TARBP1: variants seen among roughly 807,000 people sequenced by gnomAD.
The protein encoded by TARBP1 is tRNA (guanosine(18)-2'-O)-methyltransferase TARBP1.
A neutral mutation model predicts 178.6 loss-of-function variants in TARBP1; 144 were observed. The observed-to-expected ratio is 0.81, with a 90% CI of 0.70 to 0.93. The LOEUF (loss-of-function observed/expected upper bound fraction) is 0.93, where lower values mean the gene tolerates loss of function less well. Ranked by LOEUF, TARBP1 falls within the 40% of genes least tolerant of loss-of-function variation. The pLI, the probability that TARBP1 is intolerant of heterozygous loss-of-function variation, is 0.00. For synonymous variants in TARBP1, 787 were observed against 781.0 expected (o/e 1.01, Z -0.13); for missense variants, 2,067 against 2,011.7 (o/e 1.03, Z -0.53).
chr1:234,425,787 CTT>C lies in TARBP1; in HGVS notation c.3328_3329del (p.Lys1110GlufsTer29), dbSNP rs765307773. On this transcript the variant is annotated frameshift_variant, in exon 20 of 30. Transcript: ENST00000040877. LOFTEE classifies it high-confidence loss of function. Reference sequence around the variant, plus strand: ...AAATTCTCACATAATGGTCTTCTCTCTTAGTACTAAAAAAATTAAATGATAAA... The same window carrying C: ...AAATTCTCACATAATGGTCTTCTCTCAGTACTAAAAAAATTAAATGATAAA... ...CAANIVMENT[K>X]REDHYVRICA... The C allele has an allele frequency of 1.9e-6, 3 of 1,559,978 alleles. No individual in the cohort carries two copies. Among genetic ancestry groups the C allele is most frequent in the East Asian group, 2.2e-5 (1 of 44,454 alleles).
rs1662650210 is a variant in TARBP1, at chr1:234,418,155, C to T, written c.3634G>A (p.Glu1212Lys). ...TGAAGAATCAATATAATAATCCATTCTATAAAATATTTTATGGATGCTTGA... is the reference window on the plus strand; with the variant it reads ...TGAAGAATCAATATAATAATCCATTTTATAAAATATTTTATGGATGCTTGA... ...NNQASIKYFI[E>K]WIIILILHKF... Residue 1212 changes from glutamate (E) to lysine (K), a missense_variant, in exon 22 of 30, where the codon GAA becomes AAA. By Grantham distance (56) the Glu-to-Lys change is moderately conservative (BLOSUM62 1). Transcript: ENST00000040877. 1 of 1,542,434 alleles carries T rather than the reference C, an allele frequency of 6.5e-7. No individual in the cohort carries two copies. Among genetic ancestry groups the T allele is most frequent in the African/African-American group, 1.4e-5 (1 of 70,830 alleles).
chr1:234,457,026 C>T (rs1572374286), intron 9 of TARBP1, among the ~76,000 whole-genome samples: 2 of 152,282 alleles, frequency 1.3e-5, no homozygotes, highest in Admixed American at 6.5e-5. Flanking sequence ...ATAAACTAAA[C>T]CCCGTGGTTT....
intron 23 of TARBP1, chr1:234,407,965 G>A (rs1401468252): frequency 4.6e-5 from 7 of 152,082 alleles, no homozygotes; most frequent in East Asian, 1.9e-4. Flanking sequence ...TACATTACTC[G>A]TAAATGAAAA....
chr1:234,448,459 T>C (rs774430650), intron 11 of TARBP1, 21 bp downstream of exon 11: 1 of 1,599,982 alleles, frequency 6.3e-7, no homozygotes, highest in Non-Finnish European at 8.6e-7. Flanking sequence ...AGGCTTTCTT[T>C]TCAATTACAG....
intron 21 of TARBP1, among the ~76,000 whole-genome samples, chr1:234,419,609 T>C (rs1662859652): frequency 6.6e-6 from 1 of 152,132 alleles, no homozygotes; most frequent in Non-Finnish European, 1.5e-5. Context: ...CTCTCCAACA[T>C]TACCCTTCTC....
intron 9 of TARBP1, among the ~76,000 whole-genome samples, chr1:234,452,559 G>C (rs1046295969): frequency 2.0e-5 from 3 of 152,182 alleles, no homozygotes; most frequent in Non-Finnish European, 4.4e-5. Flanking sequence ...CCAGAACGCT[G>C]ACAAACCAAA....
chr1:234,465,346 T>C (rs1403988398), intron 5 of TARBP1, among the ~76,000 whole-genome samples: 1 of 152,124 alleles, frequency 6.6e-6, no homozygotes, highest in Non-Finnish European at 1.5e-5. Flanking sequence ...GTCAAAATCA[T>C]TACAACTTCC....
rs942336502 is a variant in TARBP1 at position 234,408,204 on chromosome 1, T to G, written c.3793-2105A>C. Among the ~76,000 whole-genome samples, 24 of 152,254 alleles carry G rather than the reference T, an allele frequency of 1.6e-4. 1 individual carries two copies. Among genetic ancestry groups the G allele is most frequent in the African/African-American group, 5.5e-4 (23 of 41,542 alleles). On this transcript the variant is annotated intron_variant, in intron 23 of 29. Coordinates refer to ENST00000040877, the MANE Select transcript of TARBP1 (RefSeq NM_005646.4). ...CTATGAGCATAATTAAGAAAGGTTT[T>G]TTTTTTTTTTCCTTTTATAGGAACA...
chr1:234,448,744 T>C (rs575454821), intron 10 of TARBP1, among the ~76,000 whole-genome samples, 165 bp from the exon 11 acceptor site: 10 of 152,216 alleles, frequency 6.6e-5, no homozygotes, highest in Non-Finnish European at 1.5e-4. Context: ...CTCATTATTA[T>C]ACATATCTAT....
intron 25 of TARBP1, 112 bp downstream of exon 25, chr1:234,401,069 T>C (rs1660627512): frequency 6.6e-6 from 5 of 757,436 alleles, no homozygotes; most frequent in African/African-American, 1.8e-5. Context: ...AAGGTGATGT[T>C]TGTAAGCAAG....
intron 22 of TARBP1, among the ~76,000 whole-genome samples, chr1:234,415,241 G>C (rs567220140): frequency 6.6e-6 from 1 of 152,262 alleles, no homozygotes; most frequent in Admixed American, 6.5e-5. Flanking sequence ...AGACAGGAGG[G>C]AAGAGGGCCA....
intron 3 of TARBP1, among the ~76,000 whole-genome samples, chr1:234,469,874 A>G (rs181132953): frequency 1.3e-5 from 2 of 152,380 alleles, no homozygotes; most frequent in Non-Finnish European, 2.9e-5. Context: ...CCTAAGAAGT[A>G]CAAGATACAG....
rs1255103571 is a variant in TARBP1, at chr1:234,478,285, C to T, written c.819G>A (p.Leu273=). ...WRFWRTVQAG[L]GQADALTRKR... ...TGCGCGTCAGGGCGTCCGCCTGGCCCAGCCCCGCCTGCACCGTCCTCCAGA... is the reference window on the plus strand; with the variant it reads ...TGCGCGTCAGGGCGTCCGCCTGGCCTAGCCCCGCCTGCACCGTCCTCCAGA... The change falls in exon 1 of 30, where the codon CTG becomes CTA. Residue 273 remains leucine, a synonymous_variant. Transcript: ENST00000040877. The T allele has an allele frequency of 1.3e-6, 2 of 1,580,298 alleles. No homozygotes were observed. The highest frequency in any genetic ancestry group is 2.2e-5 in the South Asian group (2 of 89,186).
chr1:234,467,535 T>A lies in TARBP1; in HGVS notation c.1215A>T (p.Thr405=). ...ATTCTGGTGAAAATGGAAGAATCTT[T>A]GTTTCATACAGCTCCAAAAAATGGA... ...GVIHFLELYE[T]KILPFSPEFS... The change falls in exon 4 of 30, where the codon ACA becomes ACT. Residue 405 remains threonine (T), a synonymous_variant. Coordinates refer to ENST00000040877, the MANE Select transcript of TARBP1 (RefSeq NM_005646.4). The A allele has an allele frequency of 3.8e-6, 6 of 1,596,802 alleles. No homozygotes were observed. Among genetic ancestry groups the A allele is most frequent in the Non-Finnish European group, 5.1e-6 (6 of 1,174,974 alleles).
In TARBP1 at chr1:234,433,409, C is replaced by T. The variant is rs201318640; in HGVS notation, c.2394+1G>A. ...ACAAACCTTGAATCAAAGAGGCTTA[C>T]CTGTCCACTGTCCATCTCTTGAAGA... On this transcript the variant is annotated splice_donor_variant, in intron 14 of 29. Transcript: ENST00000040877. LOFTEE classifies it high-confidence loss of function. 1.5e-5 allele frequency: 24 copies of T among 1,613,568 alleles called. 1 individual carries two copies. The highest frequency in any genetic ancestry group is 3.3e-4 in the Middle Eastern group (2 of 6,060).
chr1:234,403,676 C>T (rs147131106), intron 24 of TARBP1, among the ~76,000 whole-genome samples: 1 of 152,086 alleles, frequency 6.6e-6, no homozygotes, highest in African/African-American at 2.4e-5. Flanking sequence ...GCCCAGGGTG[C>T]CTTATTTATT....
At position 234,460,166 on chromosome 1, in the gene TARBP1, T is replaced by A; in HGVS notation, c.1535+95A>T. On this transcript the variant is annotated intron_variant, in intron 7 of 29. Transcript: ENST00000040877. The stretch of plus-strand genomic sequence containing the variant: ...CATCCCAATCCCAATATTAACTATA[T>A]CCATTTACTGTAGATTAAAGCAGAG... 2.2e-6 allele frequency: 3 copies of A among 1,351,194 alleles called. No individual in the cohort carries two copies. In the Admixed American group the frequency reaches 7.8e-5, roughly 35 times the overall value. 83.7% of individuals were successfully genotyped at this position (1,351,194 alleles called of 1,614,324 possible). A position where few individuals can be genotyped will look rare whatever the true frequency, so the allele number is the denominator to read the frequency against.
At chr1:234,467,672 G>A (rs1434647501) in intron 3 of TARBP1, 22 bp from the exon 4 acceptor site, 2 of 1,553,876 alleles carry the variant, frequency 1.3e-6, no homozygotes, top group African/African-American at 2.8e-5. Flanking sequence ...AACATCAAAT[G>A]TTGACATCTG....
rs559799661 is a variant in TARBP1, at chr1:234,412,070, G to A, written c.3706-1539C>T. Among the ~76,000 whole-genome samples the A allele has an allele frequency of 2.6e-4, 39 of 152,306 alleles. 1 individual carries two copies. In the South Asian group the frequency reaches 7.9e-3, roughly 31 times the overall value. On this transcript the variant is annotated intron_variant, in intron 22 of 29. Transcript: ENST00000040877. ...CCTAACTGTAAGCAGTACTATTTATGTGCTATGAAAACCTAAAATAAGGGG... is the reference window on the plus strand; with the variant it reads ...CCTAACTGTAAGCAGTACTATTTATATGCTATGAAAACCTAAAATAAGGGG...
Sources: gnomAD v4.1 joint callset for allele counts (sites outside exome capture counted in the v4.1 genomes callset) on GRCh38, gnomAD v4.1.1 for gene constraint, MANE v1.5 for transcripts, NCBI Gene and HGNC (gene_info 2026-07-23, HGNC 2026-07-21) for gene names.